Variants in WNT4 observed in about 807,000 individuals in gnomAD.
WNT4 encodes the protein protein Wnt-4.
In WNT4, 16 loss-of-function variants were observed where a neutral mutation model predicts 34.5. The ratio of observed to expected loss-of-function variants is 0.46; its 90% CI spans 0.31 to 0.70. The LOEUF is 0.70. Ranked by LOEUF, WNT4 falls within the 30% of genes least tolerant of loss-of-function variation. The pLI, the probability that WNT4 is intolerant of heterozygous loss-of-function variation, is 0.04. For missense variants in WNT4, 379 were observed against 495.9 expected, an observed-to-expected ratio of 0.76 and a Z score of 2.24; for synonymous variants, 200 against 211.9, an observed-to-expected ratio of 0.94 and a Z score of 0.49.
intron 2 of WNT4, among the ~76,000 whole-genome samples, chr1:22,126,302 G>T (rs914797146): frequency 1.3e-5 from 2 of 152,292 alleles, no homozygotes; most frequent in African/African-American, 4.8e-5. Context: ...TGAGCCGTGT[G>T]GGGGTCAGTT....
rs1570119814 is a variant in WNT4 at position 22,140,229 on chromosome 1, C to G, written c.77+2617G>C. 1.0e-6 allele frequency: 1 copy of G among 985,436 alleles called. No individual in the cohort carries two copies. Among genetic ancestry groups the G allele is most frequent in the Non-Finnish European group, 1.2e-6 (1 of 829,942 alleles). 61.0% of individuals were successfully genotyped at this position (985,436 alleles called of 1,614,324 possible). A position where few individuals can be genotyped will look rare whatever the true frequency, so the allele number is the denominator to read the frequency against. On this transcript the variant is annotated intron_variant, in intron 1 of 4. Transcript: ENST00000290167. The surrounding 1 kb of genome is among the most constrained non-coding windows in gnomAD (Gnocchi z 5.9). ...AAAAGACACAGTGCCAGCCATCATG[C>G]CTGCATGGACACCTGCCTCCCCGAA...
At chr1:22,129,890 T>A in intron 1 of WNT4, 39 bp from the exon 2 acceptor site, 1 of 1,606,498 alleles carries the variant, frequency 6.2e-7, no homozygotes, top group Non-Finnish European at 8.5e-7. Flanking sequence ...GCCCACCTCC[T>A]CATCTTTCCT....
intron 1 of WNT4, among the ~76,000 whole-genome samples, chr1:22,138,403 C>G (rs938456466): frequency 2.0e-5 from 2 of 102,080 alleles, no homozygotes; most frequent in Non-Finnish European, 4.2e-5. Context: ...AATGATTTTG[C>G]CCGCCCCCCA....
At chr1:22,128,648 C>T (rs564300902) in intron 2 of WNT4, among the ~76,000 whole-genome samples, 14 of 152,308 alleles carry the variant, frequency 9.2e-5, no homozygotes, top group African/African-American at 2.4e-4. Context: ...GTCTCCTCAT[C>T]GAGGATAAGA....
intron 2 of WNT4, among the ~76,000 whole-genome samples, chr1:22,121,857 A>T (rs1283946118): frequency 6.6e-6 from 1 of 152,178 alleles, no homozygotes. Flanking sequence ...ATCTCCATTT[A>T]AACAGAGGCT....
Position 22,117,767 on chromosome 1 carries a change from G to A in WNT4, c.*2283C>T, listed in dbSNP as rs1645860627. On this transcript the variant is annotated 3_prime_UTR_variant, in exon 5 of 5. Transcript: ENST00000290167. ...GATCAGCTTTAGGAACTCCCTGGCAGGTGAAAAGGGCAGTTCCCATCATAC... is the reference window on the plus strand; with the variant it reads ...GATCAGCTTTAGGAACTCCCTGGCAAGTGAAAAGGGCAGTTCCCATCATAC... The A allele has an allele frequency of 6.6e-6, 1 of 152,298 alleles. No homozygotes were observed. Among genetic ancestry groups the A allele is most frequent in the Non-Finnish European group, 1.5e-5 (1 of 68,092 alleles). 9.4% of individuals were successfully genotyped at this position (152,298 alleles called of 1,614,324 possible).
chr1:22,130,792 A>G (rs1645977378), intron 1 of WNT4, among the ~76,000 whole-genome samples: 1 of 152,218 alleles, frequency 6.6e-6, no homozygotes, highest in Non-Finnish European at 1.5e-5. Context: ...GGAAGTCGCC[A>G]TTTGTTTGCT....
chr1:22,126,003 T>C (rs1645937760), intron 2 of WNT4, among the ~76,000 whole-genome samples: 1 of 152,202 alleles, frequency 6.6e-6, no homozygotes. Context: ...GCAGGTCCTG[T>C]TCTAGGGCTT....
At chr1:22,123,183 C>T (rs868169602) in intron 2 of WNT4, among the ~76,000 whole-genome samples, 8 of 152,178 alleles carry the variant, frequency 5.3e-5, no homozygotes, top group African/African-American at 9.7e-5. Flanking sequence ...AAGCAGGAGA[C>T]GGGGCTGGCT....
chr1:22,125,986 A>G (rs538314731), intron 2 of WNT4, among the ~76,000 whole-genome samples: 81 of 152,306 alleles, frequency 5.3e-4, no homozygotes, highest in Middle Eastern at 6.8e-3. Context: ...TTGATTACCT[A>G]TTATGTGCAG....
At chr1:22,136,650 C>T (rs1467201740) in intron 1 of WNT4, among the ~76,000 whole-genome samples, 2 of 152,052 alleles carry the variant, frequency 1.3e-5, no homozygotes, top group African/African-American at 2.4e-5. Context: ...CTGCTGTCAG[C>T]GGCTGCGGGA....
At chr1:22,121,622 C>T (rs1645899339) in intron 2 of WNT4, 46 bp from the exon 3 acceptor site, 10 of 1,600,140 alleles carry the variant, frequency 6.2e-6, no homozygotes, top group Non-Finnish European at 8.5e-6. Context: ...AGGGCTCCTC[C>T]CTGCACCCTC....
intron 1 of WNT4, among the ~76,000 whole-genome samples, chr1:22,132,819 T>A (rs1645994389): frequency 6.6e-6 from 1 of 151,948 alleles, no homozygotes; most frequent in Non-Finnish European, 1.5e-5. Flanking sequence ...GCTGTCCCCT[T>A]CCGTACACAC....
At chr1:22,138,488 AG>A (rs1378773593) in intron 1 of WNT4, among the ~76,000 whole-genome samples, 1 of 152,170 alleles carries the variant, frequency 6.6e-6, no homozygotes, top group Non-Finnish European at 1.5e-5. Context: ...TAGCCGGTAA[AG>A]GTCAGGTATG....
At position 22,134,950 on chromosome 1, in the gene WNT4, A is replaced by G. The variant is rs1417793081; in HGVS notation, c.78-5099T>C. Among the ~76,000 whole-genome samples the G allele has an allele frequency of 2.0e-5, 3 of 152,102 alleles. No individual in the cohort carries two copies. Among genetic ancestry groups the G allele is most frequent in the African/African-American group, 7.2e-5 (3 of 41,422 alleles). Reference sequence around the variant, plus strand: ...GGTGGGACACGCTCCCCCGGGGTACAGTGGATGACCTCAGCAGCCATCCCA... The same window carrying G: ...GGTGGGACACGCTCCCCCGGGGTACGGTGGATGACCTCAGCAGCCATCCCA... On this transcript the variant is annotated intron_variant, in intron 1 of 4. Coordinates refer to ENST00000290167, the MANE Select transcript of WNT4 (RefSeq NM_030761.5). This position sits in a 1 kb window ranked among gnomAD's most constrained non-coding sequence, Gnocchi z 4.1.
At chr1:22,129,477 G>T in intron 2 of WNT4, 139 bp downstream of exon 2, 2 of 1,040,126 alleles carry the variant, frequency 1.9e-6, no homozygotes, top group Non-Finnish European at 2.9e-6. Flanking sequence ...CATCCTTTAT[G>T]CCCTCACTTG....
rs1408216529 is a variant in WNT4, at chr1:22,120,064, G to A, written c.1042C>T (p.His348Tyr). The A allele has an allele frequency of 6.2e-7, 1 of 1,608,406 alleles. No individual in the cohort carries two copies. The highest frequency in any genetic ancestry group is 8.5e-7 in the Non-Finnish European group (1 of 1,179,594). ...TAGGCAGGCGGTCATCGGCACGTGT[G>A]CAACTCCACGAGCCGCTGGCACTGC... ...CRQCQRLVEL[H>Y]TCR Residue 348 changes from histidine to tyrosine, a missense_variant, in exon 5 of 5, where the codon CAC becomes TAC. Physicochemically the swap from His to Tyr is moderately conservative, Grantham distance 83 (BLOSUM62 2). Coordinates refer to ENST00000290167, the MANE Select transcript of WNT4 (RefSeq NM_030761.5).
chr1:22,137,073 A>G lies in WNT4; in HGVS notation c.77+5773T>C, dbSNP rs1254739816. On this transcript the variant is annotated intron_variant, in intron 1 of 4. Coordinates refer to ENST00000290167, the MANE Select transcript of WNT4 (RefSeq NM_030761.5). This position sits in a 1 kb window ranked among gnomAD's most constrained non-coding sequence, Gnocchi z 5.3. ...CCTGCTGTTCTAATGGGCCTCTCCAAAGATACATGTGAGCTGTCCGAGGCT... is the reference window on the plus strand; with the variant it reads ...CCTGCTGTTCTAATGGGCCTCTCCAGAGATACATGTGAGCTGTCCGAGGCT... 6.6e-6 allele frequency among the ~76,000 whole-genome samples: 1 copy of G among 152,076 alleles called. No homozygotes were observed. Among genetic ancestry groups the G allele is most frequent in the Non-Finnish European group, 1.5e-5 (1 of 67,986 alleles).
At chr1:22,135,377 G>A (rs1646014272) in intron 1 of WNT4, among the ~76,000 whole-genome samples, 1 of 152,248 alleles carries the variant, frequency 6.6e-6, no homozygotes, top group Non-Finnish European at 1.5e-5. Flanking sequence ...AGCCTGCAGT[G>A]GAAGGTCAGG....
Sources: allele counts gnomAD v4.1 joint callset (sites outside exome capture counted in the v4.1 genomes callset), GRCh38; gene constraint gnomAD v4.1.1; non-coding constraint Gnocchi (gnomAD v3.1); transcripts MANE v1.5; gene names NCBI Gene and HGNC (gene_info 2026-07-23, HGNC 2026-07-21).